MYL12A: variants seen among roughly 807,000 people sequenced by gnomAD.
MYL12A encodes the protein myosin regulatory light chain 12A.
Under a neutral mutation model 13.3 loss-of-function variants are expected in MYL12A, and 11 were observed. That is an observed-to-expected ratio of 0.83 (90% confidence interval 0.52 to 1.37). The LOEUF (loss-of-function observed/expected upper bound fraction) is 1.37. Among genes scored for constraint, MYL12A ranks in the 40% most tolerant of loss-of-function variants. MYL12A has a pLI of 0.00. For missense variants in MYL12A, 146 were observed against 212.3 expected (o/e 0.69, Z 1.94); for synonymous variants, 51 against 69.9 (o/e 0.73, Z 1.35).
At chr18:3,247,596 A>C (rs1015780213), upstream of MYL12A, 5 of 152,554 alleles carry the variant, frequency 3.3e-5, no homozygotes, top group Non-Finnish European at 7.3e-5. Flanking sequence ...AGGTACAAAA[A>C]AGAAGGAAAC....
Position 3,255,793 on chromosome 18 carries a change from G to C in MYL12A, c.391G>C (p.Asp131His). The C allele has an allele frequency of 6.2e-7, 1 of 1,614,030 alleles. No homozygotes were observed. The highest frequency in any genetic ancestry group is 8.5e-7 in the Non-Finnish European group (1 of 1,179,982). ...YLRELLTTMG[D>H]RFTDEEVDEL... Reference sequence around the variant, plus strand: ...GAGAGAGCTGCTGACAACCATGGGGGATCGGTTTACAGATGAGGAAGTGGA... The same window carrying C: ...GAGAGAGCTGCTGACAACCATGGGGCATCGGTTTACAGATGAGGAAGTGGA... The change falls in exon 4 of 4, where the codon GAT becomes CAT. Residue 131 changes from aspartate to histidine, a missense_variant. Transcript: ENST00000217652.
intron 3 of MYL12A, among the ~76,000 whole-genome samples, chr18:3,254,270 A>G (rs2081516784): frequency 6.6e-6 from 1 of 152,184 alleles, no homozygotes; most frequent in Non-Finnish European, 1.5e-5. Context: ...TGGGAAGCTT[A>G]TATTACCCCT....
chr18:3,251,065 C>A (rs2081480302), intron 1 of MYL12A, among the ~76,000 whole-genome samples: 1 of 149,740 alleles, frequency 6.7e-6, no homozygotes, highest in South Asian at 2.1e-4. Context: ...TAATTAACTT[C>A]ATAATAAAAT....
At chr18:3,251,576 T>A (rs1246253911) in intron 1 of MYL12A, among the ~76,000 whole-genome samples, 1 of 152,202 alleles carries the variant, frequency 6.6e-6, no homozygotes, top group Non-Finnish European at 1.5e-5. Flanking sequence ...CATTTAAGAA[T>A]TGGAGGAATA....
chr18:3,248,544 C>T (rs986878168), intron 1 of MYL12A: 1 of 152,150 alleles, frequency 6.6e-6, no homozygotes, highest in African/African-American at 2.4e-5. Flanking sequence ...ATGAATGTAT[C>T]TGTCAGTTCT....
intron 2 of MYL12A, 165 bp downstream of exon 2, chr18:3,253,593 C>A: frequency 2.2e-6 from 2 of 909,754 alleles, no homozygotes; most frequent in Non-Finnish European, 3.3e-6. Context: ...AGATTCGTGA[C>A]CCTGTCTTAG....
At chr18:3,252,555 C>T (rs531107762) in intron 1 of MYL12A, 2 of 1,022,968 alleles carry the variant, frequency 2.0e-6, no homozygotes, top group Admixed American at 3.4e-5. Context: ...AAAGCTTGTG[C>T]TCTGATTTCT....
rs544294110 is a variant in MYL12A at position 3,256,074 on chromosome 18, G to A, written c.*156G>A. ...GTATCTTTATAATCAGACTGGAAAC[G>A]GGACTTTCTATTAATATCATTTTCA... On this transcript the variant is annotated 3_prime_UTR_variant, in exon 4 of 4. Transcript: ENST00000217652. The A allele has an allele frequency of 2.7e-5, 25 of 925,684 alleles. No homozygotes were observed. The highest frequency in any genetic ancestry group is 5.1e-5 in the African/African-American group (3 of 59,154). 57.3% of individuals were successfully genotyped at this position (925,684 alleles called of 1,614,324 possible).
chr18:3,251,856 A>T (rs1211137747), intron 1 of MYL12A, among the ~76,000 whole-genome samples: 3 of 152,156 alleles, frequency 2.0e-5, no homozygotes, highest in Non-Finnish European at 4.4e-5. Flanking sequence ...CAGTTGCCAT[A>T]CGGTGCTGTA....
At chr18:3,248,192 CCGGGACTATTTTAGTTTCTAA>C (rs1598794253) in intron 1 of MYL12A, 2 of 152,358 alleles carry the variant, frequency 1.3e-5, no homozygotes, top group East Asian at 3.9e-4. Flanking sequence ...AGAGCTGACT[CCGGGACTATTTTAGTTTCTAA>C]CGTCAACTTG....
At position 3,253,342 on chromosome 18, in the gene MYL12A, A is replaced by G; in HGVS notation, c.95A>G (p.Glu32Gly). The change falls in exon 2 of 4, where the codon GAG (glutamate) becomes GGG (glycine). Residue 32 changes from glutamate (E) to glycine (G), a missense_variant. Coordinates refer to ENST00000217652, the MANE Select transcript of MYL12A (RefSeq NM_006471.4). ...FAMFDQSQIQ[E>G]FKEAFNMIDQ... ...ATGTTTGACCAGTCACAGATTCAGG[A>G]GTTCAAAGAGGCCTTCAACATGATT... 1 of 1,614,052 alleles carries G rather than the reference A, an allele frequency of 6.2e-7. No individual in the cohort carries two copies.
intron 2 of MYL12A, 58 bp downstream of exon 2, chr18:3,253,486 T>G: frequency 6.4e-7 from 1 of 1,573,794 alleles, no homozygotes; most frequent in Non-Finnish European, 8.7e-7. Context: ...GCCTTTCATC[T>G]TGATTTCATG....
At chr18:3,255,635 T>C in intron 3 of MYL12A, 111 bp from the exon 4 acceptor site, 1 of 1,314,550 alleles carries the variant, frequency 7.6e-7, no homozygotes, top group South Asian at 1.6e-5. Flanking sequence ...TTCATATATT[T>C]GCATGTTTAT....
rs200192403 is a variant in MYL12A, at chr18:3,255,797, G to A, written c.395G>A (p.Arg132Gln). ...GAGCTGCTGACAACCATGGGGGATC[G>A]GTTTACAGATGAGGAAGTGGATGAG... ...LRELLTTMGD[R>Q]FTDEEVDELY... is the part of the protein sequence containing the mutation. The change falls in exon 4 of 4, where the codon CGG becomes CAG. Residue 132 changes from arginine to glutamine, a missense_variant. Transcript: ENST00000217652. 20 of 1,613,874 alleles carry A rather than the reference G, an allele frequency of 1.2e-5. No individual in the cohort carries two copies. The highest frequency in any genetic ancestry group is 1.1e-5 in the South Asian group (1 of 91,034).
rs560896044 is a variant in MYL12A at position 3,255,609 on chromosome 18, G to C, written c.344-137G>C. On this transcript the variant is annotated intron_variant, in intron 3 of 3. Transcript: ENST00000217652. Reference sequence around the variant, plus strand: ...TTCTCTGCTGAGGCTGTTTTAAGTAGGTGGACACCCTGTAGTTCATATATT... The same window carrying C: ...TTCTCTGCTGAGGCTGTTTTAAGTACGTGGACACCCTGTAGTTCATATATT... 14 of 1,126,510 alleles carry C rather than the reference G, an allele frequency of 1.2e-5. No individual in the cohort carries two copies. In the East Asian group the frequency reaches 3.6e-4, roughly 29 times the overall value. The allele number at this position is 1,126,510 out of a possible 1,614,324, so 69.8% of individuals were successfully genotyped here. A position where few individuals can be genotyped will look rare whatever the true frequency, so the allele number is the denominator to read the frequency against.
intron 2 of MYL12A, 197 bp from the exon 3 acceptor site, chr18:3,253,692 T>C (rs2081509902): frequency 1.4e-6 from 1 of 694,282 alleles, no homozygotes; most frequent in African/African-American, 1.8e-5. Context: ...GACATTCCAA[T>C]GGACTATCAT....
chr18:3,255,705 AGAATAGTATGTATTCT>A, intron 3 of MYL12A, 25 bp from the exon 4 acceptor site: 1 of 1,578,420 alleles, frequency 6.3e-7, no homozygotes, highest in Non-Finnish European at 8.6e-7. Flanking sequence ...ATTAACCCTC[AGAATAGTATGTATTCT>A]GATCCCTTGT....
At chr18:3,251,326 TTA>T (rs774099202) in intron 1 of MYL12A, among the ~76,000 whole-genome samples, 23 of 147,506 alleles carry the variant, frequency 1.6e-4, no homozygotes, top group Non-Finnish European at 2.7e-4. Flanking sequence ...ATATGAGATT[TTA>T]TATAATAGAT....
chr18:3,251,729 T>C (rs2081487510), intron 1 of MYL12A, among the ~76,000 whole-genome samples: 1 of 152,222 alleles, frequency 6.6e-6, no homozygotes, highest in Admixed American at 6.5e-5. Flanking sequence ...ATGAATAGTT[T>C]TAAGTCATGA....
Sources: allele counts gnomAD v4.1 joint callset (sites outside exome capture counted in the v4.1 genomes callset), GRCh38; gene constraint gnomAD v4.1.1; transcripts MANE v1.5; gene names NCBI Gene and HGNC (gene_info 2026-07-23, HGNC 2026-07-21).